Variants in SLC39A12 observed in about 807,000 individuals in gnomAD.
The protein encoded by SLC39A12 is solute carrier family 39 member 12, also known as zinc transporter ZIP12.
In SLC39A12, 63 loss-of-function variants were observed where a neutral mutation model predicts 71.1. That is an observed-to-expected ratio of 0.89 (90% CI 0.72 to 1.09). SLC39A12 has a LOEUF of 1.09. Among genes scored for constraint, SLC39A12 ranks in the 50% least tolerant of loss-of-function variants. The probability of loss-of-function intolerance (pLI) is 0.00; values close to 1 mark genes in which losing one functional copy is unlikely to be tolerated. For missense variants in SLC39A12, 892 were observed against 812.6 expected, an observed-to-expected ratio of 1.10 and a Z score of -1.19; for synonymous variants, 351 against 301.3, an observed-to-expected ratio of 1.16 and a Z score of -1.71.
chr10:18,039,598 T>G (rs186418868), intron 12 of SLC39A12, among the ~76,000 whole-genome samples: 2 of 152,048 alleles, frequency 1.3e-5, no homozygotes, highest in Admixed American at 1.3e-4. Flanking sequence ...TAGGGTAGTA[T>G]GCACCTGCAG....
intron 12 of SLC39A12, among the ~76,000 whole-genome samples, chr10:18,034,767 A>G (rs1836950414): frequency 6.6e-6 from 1 of 150,382 alleles, no homozygotes; most frequent in South Asian, 2.1e-4. Context: ...TTTTGGCATG[A>G]TTTTGCAGCG....
chr10:18,001,808 T>G (rs1390806822), intron 11 of SLC39A12: 1 of 152,262 alleles, frequency 6.6e-6, no homozygotes, highest in African/African-American at 2.4e-5. Context: ...AAGCATTTAT[T>G]GTTTGTGTTA....
At chr10:18,023,720 G>T (rs561483991) in intron 12 of SLC39A12, among the ~76,000 whole-genome samples, 55 of 152,302 alleles carry the variant, frequency 3.6e-4, no homozygotes, top group African/African-American at 1.3e-3. Context: ...TCTCTTTCCA[G>T]CCCAAGGGTA....
intron 5 of SLC39A12, among the ~76,000 whole-genome samples, chr10:17,980,967 T>C (rs1184936252): frequency 1.3e-5 from 2 of 152,120 alleles, no homozygotes; most frequent in African/African-American, 4.8e-5. Flanking sequence ...GCTATCCTCA[T>C]TGAAAAAGAA....
At position 18,003,235 on chromosome 10, in the gene SLC39A12, A is replaced by G. The variant is rs1835886296; in HGVS notation, c.1824A>G (p.Ile608Met). 6.2e-7 allele frequency: 1 copy of G among 1,614,130 alleles called. No homozygotes were observed. ...SMKTAILMNF[I>M]SSLTAFMGLY... ...AGACTGCCATCCTGATGAATTTTAT[A>G]AGCTCCCTAACTGCCTTCATGGGAT... is the stretch of plus-strand genomic sequence containing the variant. Residue 608 changes from isoleucine (I) to methionine (M), a missense_variant, in exon 12 of 13, where the codon ATA (isoleucine) becomes ATG (methionine). Coordinates refer to ENST00000377369, the MANE Select transcript of SLC39A12 (RefSeq NM_001145195.2).
At chr10:17,953,778 T>G (rs1834468085) in intron 2 of SLC39A12, among the ~76,000 whole-genome samples, 1 of 152,230 alleles carries the variant, frequency 6.6e-6, no homozygotes, top group Admixed American at 6.5e-5. Flanking sequence ...TCTAGAACCC[T>G]TCTGCATATT....
chr10:18,002,903 T>G, intron 11 of SLC39A12: 2 of 302,660 alleles, frequency 6.6e-6, no homozygotes, highest in Non-Finnish European at 1.2e-5. Context: ...TATCAAGAAC[T>G]CAAGAATATG....
chr10:17,996,526 C>A (rs192629573), intron 10 of SLC39A12, among the ~76,000 whole-genome samples: 31 of 152,318 alleles, frequency 2.0e-4, no homozygotes, highest in Admixed American at 1.8e-3. Context: ...ACGTATTGAA[C>A]ACTTCTTGTA....
rs555903232 is a variant in SLC39A12, at chr10:17,977,096, T to A, written c.752-806T>A. Among the ~76,000 whole-genome samples the A allele has an allele frequency of 4.6e-5, 7 of 152,290 alleles. No homozygotes were observed. The East Asian group carries it at 1.2e-3, about 25-fold the overall frequency. Reference sequence around the variant, plus strand: ...CTGTTGAGTTCCTGTAGTGAACTTTTTGTTTCACTTATTGTCTCGATATTC... The same window carrying A: ...CTGTTGAGTTCCTGTAGTGAACTTTATGTTTCACTTATTGTCTCGATATTC... On this transcript the variant is annotated intron_variant, in intron 4 of 12. Coordinates refer to ENST00000377369, the MANE Select transcript of SLC39A12 (RefSeq NM_001145195.2).
intron 12 of SLC39A12, among the ~76,000 whole-genome samples, chr10:18,035,754 C>T (rs538794443): frequency 1.3e-5 from 2 of 152,160 alleles, no homozygotes; most frequent in Non-Finnish European, 2.9e-5. Context: ...TTTTTCTGTT[C>T]TGTTTTTTCC....
intron 2 of SLC39A12, among the ~76,000 whole-genome samples, chr10:17,960,988 C>T (rs1239578147): frequency 6.6e-6 from 1 of 152,098 alleles, no homozygotes; most frequent in Non-Finnish European, 1.5e-5. Context: ...ATATGTGGCT[C>T]ATATTTGCAG....
chr10:18,018,821 C>G (rs79391562), intron 12 of SLC39A12, among the ~76,000 whole-genome samples: 1 of 152,034 alleles, frequency 6.6e-6, no homozygotes, highest in Non-Finnish European at 1.5e-5. Flanking sequence ...TTTTGAGAAG[C>G]GTTGGTCTGT....
intron 2 of SLC39A12, among the ~76,000 whole-genome samples, chr10:17,954,583 T>C (rs1210913198): frequency 6.6e-6 from 1 of 152,066 alleles, no homozygotes; most frequent in African/African-American, 2.4e-5. Flanking sequence ...ACGTCAGTGA[T>C]GTCTAAGAAT....
intron 3 of SLC39A12, among the ~76,000 whole-genome samples, chr10:17,963,914 C>G (rs1459758355): frequency 2.0e-5 from 3 of 152,166 alleles, no homozygotes; most frequent in African/African-American, 7.2e-5. Context: ...AAAGCAACAT[C>G]TCTCCCTTCC....
intron 2 of SLC39A12, among the ~76,000 whole-genome samples, chr10:17,957,109 T>C (rs1465333606): frequency 1.3e-5 from 2 of 152,230 alleles, no homozygotes; most frequent in Admixed American, 1.3e-4. Flanking sequence ...TTTCCCATTG[T>C]TTAAAATCAA....
intron 12 of SLC39A12, among the ~76,000 whole-genome samples, chr10:18,034,772 G>C (rs1836950586): frequency 1.3e-5 from 2 of 150,880 alleles, no homozygotes; most frequent in South Asian, 4.3e-4. Flanking sequence ...GCATGATTTT[G>C]CAGCGGCTGG....
intron 7 of SLC39A12, among the ~76,000 whole-genome samples, chr10:17,989,694 G>A (rs1835493485): frequency 6.6e-6 from 1 of 152,140 alleles, no homozygotes; most frequent in African/African-American, 2.4e-5. Flanking sequence ...CAAGACAGGC[G>A]GATCACCTGA....
intron 12 of SLC39A12, among the ~76,000 whole-genome samples, chr10:18,013,329 G>A (rs1836283564): frequency 7.0e-6 from 1 of 143,384 alleles, no homozygotes; most frequent in Admixed American, 7.1e-5. Flanking sequence ...ATGGTATTAG[G>A]TAAACATCCA....
intron 12 of SLC39A12, among the ~76,000 whole-genome samples, chr10:18,015,481 A>T (rs1836351050): frequency 6.6e-6 from 1 of 152,116 alleles, no homozygotes; most frequent in Non-Finnish European, 1.5e-5. Flanking sequence ...TTTGGGAAAA[A>T]AATCTAGGTG....
Sources: gnomAD v4.1 joint callset for allele counts (sites outside exome capture counted in the v4.1 genomes callset) on GRCh38, gnomAD v4.1.1 for gene constraint, MANE v1.5 for transcripts, NCBI Gene and HGNC (gene_info 2026-07-23, HGNC 2026-07-21) for gene names.